Variants in NUP160 observed in about 807,000 individuals in gnomAD.
The protein encoded by NUP160 is nuclear pore complex protein Nup160.
In NUP160, 94 loss-of-function variants were observed where a neutral mutation model predicts 196.9. The observed-to-expected ratio is 0.48, with a 90% CI of 0.40 to 0.57. NUP160 has a LOEUF of 0.57. Among genes scored for constraint, NUP160 ranks in the 20% least tolerant of loss-of-function variants. The pLI is 0.00. For synonymous variants in NUP160, 605 were observed against 619.7 expected, an observed-to-expected ratio of 0.98 and a Z score of 0.35; for missense variants, 1,638 against 1,748.3, an observed-to-expected ratio of 0.94 and a Z score of 1.13.
At chr11:47,814,514 C>T (rs1198930540) in intron 13 of NUP160, among the ~76,000 whole-genome samples, 6 of 149,754 alleles carry the variant, frequency 4.0e-5, no homozygotes, top group South Asian at 2.1e-4. Flanking sequence ...GGACTCTAGC[C>T]TGGGCGACAG....
chr11:47,825,776 G>A (rs1483315475), intron 7 of NUP160, among the ~76,000 whole-genome samples: 1 of 151,972 alleles, frequency 6.6e-6, no homozygotes, highest in Non-Finnish European at 1.5e-5. Flanking sequence ...TAGAGACAGC[G>A]TTTTACCATG....
chr11:47,843,567 T>C (rs967628909), intron 2 of NUP160, among the ~76,000 whole-genome samples: 2 of 152,218 alleles, frequency 1.3e-5, no homozygotes, highest in Non-Finnish European at 2.9e-5. Context: ...GGGGCGATTC[T>C]TCCTCATTCA....
exon 36 of NUP160, chr11:47,778,441 T>C (rs2097658786): frequency 6.6e-6 from 1 of 152,634 alleles, no homozygotes; most frequent in African/African-American, 2.4e-5. Context: ...TGAGAATCTG[T>C]TGCTAATATA....
chr11:47,790,380 C>T (rs762155913), intron 29 of NUP160, among the ~76,000 whole-genome samples: 23 of 152,050 alleles, frequency 1.5e-4, no homozygotes, highest in Non-Finnish European at 1.9e-4. Flanking sequence ...CTGCCTCAGC[C>T]ACCTGAGTAG....
intron 12 of NUP160, 54 bp from the exon 13 acceptor site, chr11:47,815,703 G>C: frequency 1.4e-6 from 2 of 1,441,736 alleles, no homozygotes; most frequent in Non-Finnish European, 1.9e-6. Context: ...CAGGATCTTT[G>C]TCCACAAAAA....
chr11:47,799,892 G>A lies in NUP160; in HGVS notation c.2896-1429C>T, dbSNP rs191151882. Among the ~76,000 whole-genome samples, 70 of 152,284 alleles carry A rather than the reference G, an allele frequency of 4.6e-4. No individual in the cohort carries two copies. In the East Asian group the frequency reaches 7.9e-3, roughly 17 times the overall value. ...ATCTTCTAGTGACATCATAGCCACC[G>A]CATGTATCGCTCACGTGTTTGTGGT... is the stretch of plus-strand genomic sequence containing the variant. On this transcript the variant is annotated intron_variant, in intron 23 of 35. Coordinates refer to ENST00000378460, the Ensembl canonical transcript of NUP160.
chr11:47,793,012 A>T (rs770394459), intron 27 of NUP160, 66 bp from the exon 28 acceptor site: 16 of 1,427,512 alleles, frequency 1.1e-5, no homozygotes, highest in Admixed American at 9.9e-5. Flanking sequence ...TTGGAGACAG[A>T]GTCTTGCTCT....
intron 2 of NUP160, among the ~76,000 whole-genome samples, chr11:47,844,940 C>T (rs1852370820): frequency 6.6e-6 from 1 of 152,150 alleles, no homozygotes; most frequent in Non-Finnish European, 1.5e-5. Flanking sequence ...AGGGTGACCT[C>T]CAGTTGTCCT....
chr11:47,806,116 A>T, intron 20 of NUP160, 37 bp downstream of exon 20: 1 of 1,604,494 alleles, frequency 6.2e-7, no homozygotes, highest in Non-Finnish European at 8.5e-7. Flanking sequence ...GCCCGGCCAG[A>T]AGAGAGCTTT....
Position 47,806,316 on chromosome 11 carries a change from A to C in NUP160, c.2447-4T>G. The C allele has an allele frequency of 1.9e-6, 3 of 1,604,550 alleles. No individual in the cohort carries two copies. Among genetic ancestry groups the C allele is most frequent in the Non-Finnish European group, 2.6e-6 (3 of 1,173,990 alleles). ...ACAATAGTCTGAGGACTAGATACTT[A>C]AAAAGAAAAAGTTATGACAGTTTTG... is the stretch of plus-strand genomic sequence containing the variant. On this transcript the variant is annotated splice_region_variant and splice_polypyrimidine_tract_variant and intron_variant, in intron 19 of 35. Transcript: ENST00000378460.
chr11:47,782,820 G>T (rs1390795529), intron 34 of NUP160, among the ~76,000 whole-genome samples: 1 of 152,014 alleles, frequency 6.6e-6, no homozygotes, highest in African/African-American at 2.4e-5. Context: ...CACTGCATCT[G>T]GCTAATTTCT....
In NUP160 at chr11:47,802,122, T is replaced by G. The variant is rs60994035; in HGVS notation, c.2776-192A>C. 0.07 allele frequency among the ~76,000 whole-genome samples: 10,681 copies of G among 152,236 alleles called. 422 individuals are homozygous for G. The highest frequency in any genetic ancestry group is 0.12 in the African/African-American group (4,931 of 41,556). ...TATTTTTAAAAATGTATCTCACACT[T>G]AAGTGCTACCAATTAAAAAGTAAAC... On this transcript the variant is annotated intron_variant, in intron 22 of 35. Transcript: ENST00000378460.
exon 35 of NUP160, chr11:47,780,436 G>A (rs778224776): frequency 2.4e-5 from 38 of 1,611,160 alleles, no homozygotes; most frequent in African/African-American, 4.0e-5. Flanking sequence ...GGGCTGTTGC[G>A]GACAGTGGAA....
chr11:47,805,713 T>C (rs1449192869), intron 20 of NUP160, among the ~76,000 whole-genome samples: 2 of 152,168 alleles, frequency 1.3e-5, no homozygotes, highest in Non-Finnish European at 2.9e-5. Context: ...CCCAAAGTAC[T>C]GGGATTACAG....
chr11:47,782,331 T>A (rs868149403), intron 34 of NUP160, among the ~76,000 whole-genome samples: 3,727 of 86,788 alleles, frequency 0.043, 489 homozygotes, highest in Middle Eastern at 0.065. Context: ...TATATATATA[T>A]ATATATATAT....
At chr11:47,841,063 T>C (rs1426258473) in intron 2 of NUP160, among the ~76,000 whole-genome samples, 1 of 152,178 alleles carries the variant, frequency 6.6e-6, no homozygotes, top group African/African-American at 2.4e-5. Flanking sequence ...CGCTTACATG[T>C]ATGTGCAAAA....
chr11:47,780,300 T>C (rs781663842), intron 35 of NUP160, 43 bp downstream of exon 35: 1 of 1,293,472 alleles, frequency 7.7e-7, no homozygotes, highest in Non-Finnish European at 1.1e-6. Flanking sequence ...TAACTGCTAG[T>C]GCAGGGGCTT....
At position 47,812,571 on chromosome 11, in the gene NUP160, C is replaced by T. The variant is rs547238349; in HGVS notation, c.1953-142G>A. ...ATCACTCTGGCATATAAGATACAGT[C>T]CCTATGCATAGCAAATTTCCTCTCA... On this transcript the variant is annotated intron_variant, in intron 15 of 35. Coordinates refer to ENST00000378460, the Ensembl canonical transcript of NUP160. The T allele has an allele frequency of 1.9e-5, 15 of 807,990 alleles. No homozygotes were observed. In the East Asian group the frequency reaches 3.9e-4, roughly 21 times the overall value. 50.1% of individuals were successfully genotyped at this position (807,990 alleles called of 1,614,324 possible). A position where few individuals can be genotyped will look rare whatever the true frequency, so the allele number is the denominator to read the frequency against.
chr11:47,805,134 T>C (rs2097676699), intron 20 of NUP160, among the ~76,000 whole-genome samples: 1 of 151,808 alleles, frequency 6.6e-6, no homozygotes, highest in African/African-American at 2.4e-5. Context: ...TGAATGAATG[T>C]CTTTTTTTTT....
Sources: gnomAD v4.1 joint callset for allele counts (sites outside exome capture counted in the v4.1 genomes callset) on GRCh38, gnomAD v4.1.1 for gene constraint, MANE v1.5 for transcripts, NCBI Gene and HGNC (gene_info 2026-07-23, HGNC 2026-07-21) for gene names.